The following KLRC3 variants were observed in gnomAD, a reference collection of about 807,000 sequenced individuals.
The protein encoded by KLRC3 is killer cell lectin like receptor C3.
Under a neutral mutation model 23.6 loss-of-function variants are expected in KLRC3, and 16 were observed. That is an observed-to-expected ratio of 0.68 (90% CI 0.46 to 1.03). The LOEUF (loss-of-function observed/expected upper bound fraction) is 1.03, where lower values mean the gene tolerates loss of function less well. Among genes scored for constraint, KLRC3 ranks in the 50% least tolerant of loss-of-function variants. The pLI, the probability that KLRC3 is intolerant of heterozygous loss-of-function variation, is 0.00. For synonymous variants in KLRC3, 70 were observed against 71.8 expected, an observed-to-expected ratio of 0.98 and a Z score of 0.13; for missense variants, 209 against 232.2, an observed-to-expected ratio of 0.90 and a Z score of 0.65.
rs376504148 is a variant in KLRC3 at position 10,418,424 on chromosome 12, T to C, written c.406A>G (p.Arg136Gly). Residue 136 changes from arginine (R) to glycine (G), a missense_variant, in exon 4 of 7, where the codon AGA (arginine) becomes GGA (glycine). Arg to Gly is a moderately radical substitution (Grantham distance 125, BLOSUM62 -2). Transcript: ENST00000396439. ...NSCYYIGKERRTWEESLQACA... is the reference protein window; with the variant it reads ...NSCYYIGKERGTWEESLQACA... ...GCCTGCAAACTCTCTTCCCAAGTTC[T>C]TCTTTCCTTACCAATGTAATAACAA... is the stretch of plus-strand genomic sequence containing the variant. The C allele has an allele frequency of 1.2e-6, 2 of 1,611,442 alleles. No individual in the cohort carries two copies. Among genetic ancestry groups the C allele is most frequent in the Non-Finnish European group, 1.7e-6 (2 of 1,177,748 alleles).
At chr12:10,420,219 C>T (rs757308996) in intron 1 of KLRC3, 145 bp downstream of exon 1, 16 of 997,438 alleles carry the variant, frequency 1.6e-5, no homozygotes, top group South Asian at 3.4e-5. Context: ...TAAAATTAGT[C>T]TTCTGATTTC....
In KLRC3 at chr12:10,415,837, A is replaced by G. The variant is rs1182616784; in HGVS notation, c.588-43T>C. On this transcript the variant is annotated intron_variant, in intron 5 of 6. Coordinates refer to ENST00000396439, the MANE Select transcript of KLRC3 (RefSeq NM_002261.3). Reference sequence around the variant, plus strand: ...CCATAATTCTGTTACATTTTATGCAAATGACCCATGAGACAAAAGCATTTT... The same window carrying G: ...CCATAATTCTGTTACATTTTATGCAGATGACCCATGAGACAAAAGCATTTT... 5 of 1,412,928 alleles carry G rather than the reference A, an allele frequency of 3.5e-6. No homozygotes were observed. The East Asian group carries it at 1.1e-4, about 32-fold the overall frequency. The allele number at this position is 1,412,928 out of a possible 1,614,324, so 87.5% of individuals were successfully genotyped here.
intron 5 of KLRC3, among the ~76,000 whole-genome samples, 187 bp downstream of exon 5, chr12:10,416,480 T>A (rs574229198): frequency 4.5e-4 from 69 of 152,344 alleles, no homozygotes; most frequent in African/African-American, 1.6e-3. Context: ...CCAAGAAAGT[T>A]ACTAGCTGAC....
Position 10,415,727 on chromosome 12 carries a change from G to T in KLRC3, c.655C>A (p.Gln219Lys). 3 of 1,613,564 alleles carry T rather than the reference G, an allele frequency of 1.9e-6. No individual in the cohort carries two copies. The highest frequency in any genetic ancestry group is 2.5e-6 in the Non-Finnish European group (3 of 1,179,652). ...ACAATGATTCTTGAAGATCCACACT[G>T]GTCTGATATAAGTCCACGTACATGT... is the stretch of plus-strand genomic sequence containing the variant. The part of the protein sequence containing the change: ...MLHVRGLISD[Q>K]CGSSRIIRRG... The change falls in exon 6 of 7, where the codon CAG becomes AAG. Residue 219 changes from glutamine to lysine, a missense_variant. Gln to Lys is a moderately conservative substitution (Grantham distance 53). Coordinates refer to ENST00000396439, the MANE Select transcript of KLRC3 (RefSeq NM_002261.3).
rs143974481 is a variant in KLRC3 at position 10,412,326 on chromosome 12, G to C, written c.*246C>G. ...AAAACCACTCATTATATTGTTCATT[G>C]ATTTATTTTCCAATCATAACGGTCT... On this transcript the variant is annotated 3_prime_UTR_variant, in exon 7 of 7. Coordinates refer to ENST00000396439, the MANE Select transcript of KLRC3 (RefSeq NM_002261.3). 38 of 536,930 alleles carry C rather than the reference G, an allele frequency of 7.1e-5. No homozygotes were observed. Among genetic ancestry groups the C allele is most frequent in the African/African-American group, 6.7e-4 (34 of 50,388 alleles). 33.3% of individuals were successfully genotyped at this position (536,930 alleles called of 1,614,324 possible).
intron 6 of KLRC3, chr12:10,415,494 A>T (rs1863627565): frequency 2.6e-6 from 2 of 780,644 alleles, no homozygotes; most frequent in African/African-American, 1.8e-5. Flanking sequence ...CAGCAAAATG[A>T]GCCTGACTTA....
intron 2 of KLRC3, 51 bp downstream of exon 2, chr12:10,419,815 C>T: frequency 2.3e-6 from 1 of 440,132 alleles, no homozygotes; most frequent in Non-Finnish European, 4.1e-6. Context: ...TGAGGCACTT[C>T]CAAGCATTAA....
chr12:10,413,784 C>G (rs1429081521), intron 6 of KLRC3, among the ~76,000 whole-genome samples: 1 of 150,556 alleles, frequency 6.6e-6, no homozygotes, highest in African/African-American at 2.5e-5. Flanking sequence ...CCCCAACCCC[C>G]CACCCCCCGA....
In KLRC3 at chr12:10,412,417, A is replaced by T. The variant is rs1329936232; in HGVS notation, c.*155T>A. 3.1e-6 allele frequency: 2 copies of T among 635,210 alleles called. No individual in the cohort carries two copies. The highest frequency in any genetic ancestry group is 3.7e-5 in the African/African-American group (2 of 53,952). The allele number at this position is 635,210 out of a possible 1,614,324, so 39.3% of individuals were successfully genotyped here. On this transcript the variant is annotated 3_prime_UTR_variant, in exon 7 of 7. Transcript: ENST00000396439. ...AAATCAAACTATATAGAGAGGGAAA[A>T]GTAATTTTTAAAACATCATCTAGTT...
intron 2 of KLRC3, chr12:10,419,498 A>G: frequency 1.4e-6 from 1 of 733,510 alleles, no homozygotes; most frequent in South Asian, 1.6e-5. Flanking sequence ...TAACCATATT[A>G]TTTTGGTTCC....
At chr12:10,414,710 T>C (rs938322030) in intron 6 of KLRC3, among the ~76,000 whole-genome samples, 4 of 150,274 alleles carry the variant, frequency 2.7e-5, no homozygotes, top group Non-Finnish European at 5.9e-5. Flanking sequence ...TGTATACATA[T>C]GTAACAAACC....
At chr12:10,412,650 G>T in intron 6 of KLRC3, 34 bp from the exon 7 acceptor site, 2 of 693,664 alleles carry the variant, frequency 2.9e-6, no homozygotes, top group South Asian at 3.0e-5. Flanking sequence ...CCAGCATGAT[G>T]GTATTGGCCT....
At chr12:10,415,623 A>C (rs1478554734) in intron 6 of KLRC3, 81 bp downstream of exon 6, 1 of 1,593,474 alleles carries the variant, frequency 6.3e-7, no homozygotes, top group Non-Finnish European at 8.6e-7. Flanking sequence ...CAATCATAAT[A>C]TCATTTCTGT....
At chr12:10,415,970 C>T (rs1277472837) in intron 5 of KLRC3, among the ~76,000 whole-genome samples, 176 bp from the exon 6 acceptor site, 3 of 152,144 alleles carry the variant, frequency 2.0e-5, no homozygotes, top group Non-Finnish European at 2.9e-5. Flanking sequence ...CCCCCTTCAT[C>T]CACGGGGGAT....
Position 10,420,342 on chromosome 12 carries a change from G to A in KLRC3, c.187+22C>T. The A allele has an allele frequency of 1.9e-6, 3 of 1,602,698 alleles. No individual in the cohort carries two copies. In the South Asian group the frequency reaches 3.3e-5, roughly 18 times the overall value. On this transcript the variant is annotated intron_variant, in intron 1 of 6. Coordinates refer to ENST00000396439, the MANE Select transcript of KLRC3 (RefSeq NM_002261.3). ...CTGCACATCCCAGAACAATAACATT[G>A]AAGATATATTTAATGTTTTACCTTG...
At position 10,420,418 on chromosome 12, in the gene KLRC3, G is replaced by A; in HGVS notation, c.133C>T (p.Leu45Phe). The part of the protein sequence containing the change: ...EQEIFQVELN[L>F]QNASLNHQGI... ...TGATGATTCAGAGAAGCATTTTGAAGGTTTAATTCTACTTGGAATATTTCC... is the reference window on the plus strand; with the variant it reads ...TGATGATTCAGAGAAGCATTTTGAAAGTTTAATTCTACTTGGAATATTTCC... Residue 45 changes from leucine (L) to phenylalanine (F), a missense_variant, in exon 1 of 7, where the codon CTT (leucine) becomes TTT (phenylalanine). Around this residue, in one of 4 missense-constraint regions of KLRC3, gnomAD observed 109 missense variants for 113.2 expected, o/e 0.96. Coordinates refer to ENST00000396439, the MANE Select transcript of KLRC3 (RefSeq NM_002261.3). The A allele has an allele frequency of 6.2e-7, 1 of 1,613,710 alleles. No homozygotes were observed. Among genetic ancestry groups the A allele is most frequent in the South Asian group, 1.1e-5 (1 of 91,054 alleles).
intron 4 of KLRC3, among the ~76,000 whole-genome samples, chr12:10,417,493 G>C (rs1158337518): frequency 2.0e-5 from 3 of 152,116 alleles, no homozygotes; most frequent in Non-Finnish European, 2.9e-5. Flanking sequence ...AATAGGAGGA[G>C]GGTATCGAAG....
At chr12:10,414,604 C>A (rs1863613824) in intron 6 of KLRC3, among the ~76,000 whole-genome samples, 1 of 99,470 alleles carries the variant, frequency 1.0e-5, no homozygotes, top group Non-Finnish European at 1.9e-5. Flanking sequence ...ACACAGGGGA[C>A]TGTTGTGGGG....
intron 4 of KLRC3, among the ~76,000 whole-genome samples, chr12:10,417,194 A>G (rs1161109718): frequency 6.6e-6 from 1 of 151,764 alleles, no homozygotes; most frequent in East Asian, 1.9e-4. Context: ...TTCTTTAACT[A>G]GATAAGCCCT....
Sources: allele counts gnomAD v4.1 joint callset (sites outside exome capture counted in the v4.1 genomes callset), GRCh38; gene constraint gnomAD v4.1.1; regional missense constraint gnomAD v4.1.1; transcripts MANE v1.5; gene names NCBI Gene and HGNC (gene_info 2026-07-23, HGNC 2026-07-21).